The following EYA1 variants were observed in gnomAD, a reference collection of about 807,000 sequenced individuals.
EYA1 encodes the protein protein phosphatase EYA1.
A neutral mutation model predicts 82.0 loss-of-function variants in EYA1; 16 were observed. The ratio of observed to expected loss-of-function variants is 0.20; its 90% CI spans 0.13 to 0.30. The LOEUF is 0.30. Among genes scored for constraint, EYA1 ranks in the 10% least tolerant of loss-of-function variants. The pLI is 1.00. For missense variants in EYA1, 633 were observed against 730.7 expected, an observed-to-expected ratio of 0.87 and a Z score of 1.54; for synonymous variants, 261 against 264.4, an observed-to-expected ratio of 0.99 and a Z score of 0.12.
chr8:71,246,727 C>A (rs1813138991), intron 11 of EYA1, among the ~76,000 whole-genome samples: 1 of 152,184 alleles, frequency 6.6e-6, no homozygotes, highest in Non-Finnish European at 1.5e-5. Context: ...TAAAAAAAAT[C>A]TTGTCTTTCA....
intron 2 of EYA1, among the ~76,000 whole-genome samples, chr8:71,445,027 T>C (rs1404481667): frequency 2.0e-5 from 3 of 152,234 alleles, no homozygotes; most frequent in Admixed American, 6.5e-5. Context: ...CTCTGAGTTT[T>C]CACAAGATAA....
intron 2 of EYA1, among the ~76,000 whole-genome samples, chr8:71,470,044 A>T (rs1809066093): frequency 6.6e-6 from 1 of 152,062 alleles, no homozygotes; most frequent in Non-Finnish European, 1.5e-5. Flanking sequence ...AATTTGCCAG[A>T]GTCAGTAGCT....
At chr8:71,502,021 A>G (rs1811848666) in intron 2 of EYA1, among the ~76,000 whole-genome samples, 1 of 152,250 alleles carries the variant, frequency 6.6e-6, no homozygotes, top group African/African-American at 2.4e-5. Flanking sequence ...TATGCATGTC[A>G]AAGTACCTAG....
intron 7 of EYA1, among the ~76,000 whole-genome samples, chr8:71,316,868 A>G (rs888324314): frequency 6.6e-6 from 1 of 152,244 alleles, no homozygotes; most frequent in African/African-American, 2.4e-5. Context: ...TATTTGCAAG[A>G]TAACAATGTG....
At chr8:71,362,100 T>C (rs886063095), upstream of EYA1, 6 of 978,700 alleles carry the variant, frequency 6.1e-6, no homozygotes, top group Non-Finnish European at 7.2e-6. Context: ...CAGAATCTCA[T>C]CCCTCGATTT....
Position 71,255,862 on chromosome 8 carries a change from A to G in EYA1, c.1051-11170T>C, listed in dbSNP as rs1672974059. Reference sequence around the variant, plus strand: ...TATCCAGAATATGTAAAGACCTCCTATGACTCAATAAAAAAAACCCTGATT... The same window carrying G: ...TATCCAGAATATGTAAAGACCTCCTGTGACTCAATAAAAAAAACCCTGATT... On this transcript the variant is annotated intron_variant, in intron 11 of 17. Coordinates refer to ENST00000340726, the MANE Select transcript of EYA1 (RefSeq NM_000503.6). Among the ~76,000 whole-genome samples, 4 of 150,212 alleles carry G rather than the reference A, an allele frequency of 2.7e-5. No individual in the cohort carries two copies. The South Asian group carries it at 8.4e-4, about 32-fold the overall frequency.
intron 2 of EYA1, among the ~76,000 whole-genome samples, chr8:71,451,911 G>A (rs753824434): frequency 1.6e-4 from 25 of 152,270 alleles, no homozygotes; most frequent in Admixed American, 4.6e-4. Flanking sequence ...GGGGCTCATC[G>A]GACAGTGGGT....
intron 2 of EYA1, among the ~76,000 whole-genome samples, chr8:71,405,455 C>G (rs1338134241): frequency 6.6e-6 from 1 of 152,210 alleles, no homozygotes; most frequent in African/African-American, 2.4e-5. Flanking sequence ...GGTGTCTGTG[C>G]AATTGTTATT....
chr8:71,439,076 T>C (rs1480765597), intron 2 of EYA1, among the ~76,000 whole-genome samples: 1 of 152,072 alleles, frequency 6.6e-6, no homozygotes, highest in East Asian at 1.9e-4. Context: ...GAGATTTTGA[T>C]ATGGGGGGCC....
At chr8:71,495,907 C>A (rs904950507) in intron 2 of EYA1, among the ~76,000 whole-genome samples, 1 of 152,148 alleles carries the variant, frequency 6.6e-6, no homozygotes, top group African/African-American at 2.4e-5. Flanking sequence ...CAGCAACAAC[C>A]CCACGAGCAG....
intron 12 of EYA1, among the ~76,000 whole-genome samples, chr8:71,219,213 ATTG>A (rs1809586885): frequency 6.6e-6 from 1 of 152,168 alleles, no homozygotes; most frequent in South Asian, 2.1e-4. Context: ...CATTTGAAGT[ATTG>A]TTCAATCTCT....
intron 11 of EYA1, among the ~76,000 whole-genome samples, chr8:71,266,677 C>T (rs776719256): frequency 6.6e-6 from 1 of 152,076 alleles, no homozygotes; most frequent in Non-Finnish European, 1.5e-5. Flanking sequence ...CTAATCTGTG[C>T]AATGTTGACT....
intron 1 of EYA1, chr8:71,547,780 G>A (rs1398119248): frequency 6.6e-6 from 1 of 150,758 alleles, no homozygotes; most frequent in Non-Finnish European, 1.5e-5. Context: ...AGCGGGGCGG[G>A]GCGGGAGCGC....
At chr8:71,216,625 G>A (rs1809237846) in intron 14 of EYA1, 67 bp downstream of exon 14, 5 of 1,471,964 alleles carry the variant, frequency 3.4e-6, no homozygotes, top group Non-Finnish European at 3.8e-6. Flanking sequence ...ACACAAAAGT[G>A]TACAGTACTT....
At chr8:71,540,241 A>G (rs1815041319) in intron 1 of EYA1, among the ~76,000 whole-genome samples, 1 of 152,338 alleles carries the variant, frequency 6.6e-6, no homozygotes, top group East Asian at 1.9e-4. Context: ...GAAAAAAAAT[A>G]TGCAAGAGAT....
intron 7 of EYA1, 80 bp downstream of exon 7, chr8:71,317,472 A>T: frequency 1.4e-6 from 2 of 1,440,050 alleles, no homozygotes. Context: ...TTTACTATTT[A>T]CATGGAACAT....
intron 9 of EYA1, among the ~76,000 whole-genome samples, chr8:71,282,938 G>GA (rs1209816667): frequency 4.6e-5 from 6 of 131,442 alleles, no homozygotes; most frequent in African/African-American, 1.7e-4. Flanking sequence ...ACACCACCTT[G>GA]TTTTTTTTTT....
chr8:71,500,131 G>A (rs1811710640), intron 2 of EYA1, among the ~76,000 whole-genome samples: 1 of 152,216 alleles, frequency 6.6e-6, no homozygotes, highest in African/African-American at 2.4e-5. Flanking sequence ...GTAAAGGTAT[G>A]AGAGTGACTC....
chr8:71,529,423 A>G (rs1232213026), intron 2 of EYA1: 1 of 152,262 alleles, frequency 6.6e-6, no homozygotes. Flanking sequence ...TATATTCATT[A>G]TTAGATACTT....
Sources: gnomAD v4.1 joint callset for allele counts (sites outside exome capture counted in the v4.1 genomes callset) on GRCh38, gnomAD v4.1.1 for gene constraint, MANE v1.5 for transcripts, NCBI Gene and HGNC (gene_info 2026-07-23, HGNC 2026-07-21) for gene names.